PTPRR: variants seen among roughly 807,000 people sequenced by gnomAD.
PTPRR encodes receptor-type tyrosine-protein phosphatase R.
PTPRR carries 38 observed loss-of-function variants against 77.2 expected under a neutral mutation model. The observed-to-expected ratio is 0.49, with a 90% CI of 0.38 to 0.65. The LOEUF (loss-of-function observed/expected upper bound fraction) is 0.65, where lower values mean the gene tolerates loss of function less well. PTPRR is among the 30% of genes least tolerant of loss of function. PTPRR has a pLI of 0.00. For synonymous variants in PTPRR, 299 were observed against 283.1 expected (o/e 1.06, Z -0.57); for missense variants, 744 against 799.2 (o/e 0.93, Z 0.83).
intron 1 of PTPRR, among the ~76,000 whole-genome samples, chr12:70,910,082 G>T (rs1028772599): frequency 1.3e-5 from 2 of 151,988 alleles, no homozygotes; most frequent in African/African-American, 4.8e-5. Flanking sequence ...TAGTCAATGT[G>T]CACCATTTTT....
chr12:70,765,084 CAGA>C (rs1258091353), intron 2 of PTPRR, among the ~76,000 whole-genome samples: 1 of 152,156 alleles, frequency 6.6e-6, no homozygotes, highest in Non-Finnish European at 1.5e-5. Context: ...GTGAGTGATG[CAGA>C]AGATGGGTGA....
At chr12:70,732,048 G>A (rs1272737316) in intron 6 of PTPRR, among the ~76,000 whole-genome samples, 2 of 152,194 alleles carry the variant, frequency 1.3e-5, no homozygotes, top group African/African-American at 2.4e-5. Flanking sequence ...CTGGAAAAAC[G>A]GACAGGTGTT....
intron 4 of PTPRR, chr12:70,754,712 C>G: frequency 6.3e-7 from 1 of 1,590,316 alleles, no homozygotes; most frequent in Non-Finnish European, 8.5e-7. Flanking sequence ...TACCTCTTTA[C>G]TTTTAAACAA....
At chr12:70,699,277 T>C (rs1888338533) in intron 7 of PTPRR, among the ~76,000 whole-genome samples, 1 of 152,214 alleles carries the variant, frequency 6.6e-6, no homozygotes, top group South Asian at 2.1e-4. Context: ...ACTTAAACTT[T>C]CTCCAGTAGA....
At chr12:70,904,243 C>T (rs555578798) in intron 1 of PTPRR, among the ~76,000 whole-genome samples, 22 of 151,868 alleles carry the variant, frequency 1.4e-4, no homozygotes, top group Non-Finnish European at 3.0e-4. Context: ...TGTATATTCC[C>T]ACAAATGTCT....
chr12:70,850,588 C>T (rs544822822), intron 2 of PTPRR, among the ~76,000 whole-genome samples: 2 of 152,198 alleles, frequency 1.3e-5, no homozygotes, highest in East Asian at 1.9e-4. Flanking sequence ...TTCTTTATAT[C>T]CTGAATACAA....
At chr12:70,758,309 G>C (rs1011983004) in intron 4 of PTPRR, among the ~76,000 whole-genome samples, 2 of 152,096 alleles carry the variant, frequency 1.3e-5, no homozygotes, top group African/African-American at 4.8e-5. Context: ...ATTAAGCTAA[G>C]TACCTCACCT....
chr12:70,658,314 C>T (rs1886657697), intron 12 of PTPRR, among the ~76,000 whole-genome samples: 1 of 152,204 alleles, frequency 6.6e-6, no homozygotes, highest in Non-Finnish European at 1.5e-5. Context: ...TTCTTCAGCT[C>T]CCATGGTTGG....
intron 2 of PTPRR, among the ~76,000 whole-genome samples, chr12:70,787,950 T>C (rs984459337): frequency 3.3e-5 from 5 of 152,196 alleles, no homozygotes; most frequent in African/African-American, 1.2e-4. Flanking sequence ...CATTATATTG[T>C]TTTTAAATAT....
chr12:70,868,161 G>T (rs758122610), intron 2 of PTPRR, among the ~76,000 whole-genome samples: 1 of 152,006 alleles, frequency 6.6e-6, no homozygotes, highest in African/African-American at 2.4e-5. Context: ...AAAAAGCAAT[G>T]GCAATAAAAG....
At chr12:70,816,482 G>T (rs1891904613) in intron 2 of PTPRR, among the ~76,000 whole-genome samples, 1 of 151,854 alleles carries the variant, frequency 6.6e-6, no homozygotes, top group East Asian at 1.9e-4. Flanking sequence ...ATAATTCATT[G>T]AAGTGAAAAA....
intron 6 of PTPRR, among the ~76,000 whole-genome samples, chr12:70,717,563 C>G (rs930182113): frequency 6.6e-6 from 1 of 152,114 alleles, no homozygotes; most frequent in African/African-American, 2.4e-5. Flanking sequence ...TGAAAAATAG[C>G]TCTATCACAT....
At chr12:70,699,615 A>C (rs1888350002) in intron 7 of PTPRR, among the ~76,000 whole-genome samples, 1 of 152,094 alleles carries the variant, frequency 6.6e-6, no homozygotes, top group Non-Finnish European at 1.5e-5. Flanking sequence ...CCTGGCCCCA[A>C]GTTACTTATT....
At chr12:70,874,296 G>A (rs1405952763) in intron 2 of PTPRR, among the ~76,000 whole-genome samples, 3 of 152,132 alleles carry the variant, frequency 2.0e-5, no homozygotes, top group Non-Finnish European at 4.4e-5. Context: ...AACCAAATAA[G>A]TAGAGTGGTG....
chr12:70,773,848 C>T (rs948891570), intron 2 of PTPRR, among the ~76,000 whole-genome samples: 1 of 152,080 alleles, frequency 6.6e-6, no homozygotes, highest in Non-Finnish European at 1.5e-5. Context: ...AAATATGCAT[C>T]CATTATATAA....
At chr12:70,846,836 C>T (rs547806596) in intron 2 of PTPRR, among the ~76,000 whole-genome samples, 13 of 152,230 alleles carry the variant, frequency 8.5e-5, no homozygotes, top group African/African-American at 1.9e-4. Context: ...TGTATTTCAT[C>T]GTAGCAGCCT....
intron 4 of PTPRR, among the ~76,000 whole-genome samples, chr12:70,759,701 A>AAC (rs1565685542): frequency 1.3e-5 from 2 of 150,452 alleles, no homozygotes; most frequent in African/African-American, 4.9e-5. Context: ...AAAAAAAAAA[A>AAC]AAAAACAAAC....
chr12:70,890,031 T>G (rs576065840), intron 2 of PTPRR, among the ~76,000 whole-genome samples: 49 of 152,308 alleles, frequency 3.2e-4, no homozygotes, highest in African/African-American at 1.1e-3. Flanking sequence ...CCATTTTCAC[T>G]TGCACCTCTG....
chr12:70,777,903 T>TTATGCCAATGAATA (rs1316916403), intron 2 of PTPRR, among the ~76,000 whole-genome samples: 1 of 152,236 alleles, frequency 6.6e-6, no homozygotes, highest in Non-Finnish European at 1.5e-5. Context: ...TTAACACTGT[T>TTATGCCAATGAATA]TATGCCAATG....
Sources: gnomAD v4.1 joint callset for allele counts (sites outside exome capture counted in the v4.1 genomes callset) on GRCh38, gnomAD v4.1.1 for gene constraint, MANE v1.5 for transcripts, NCBI Gene and HGNC (gene_info 2026-07-23, HGNC 2026-07-21) for gene names.